The following CSMD1 variants were observed in gnomAD, a reference collection of about 807,000 sequenced individuals.
CSMD1 encodes CUB and sushi domain-containing protein 1.
In CSMD1, 213 loss-of-function variants were observed where a neutral mutation model predicts 417.5. The observed-to-expected ratio is 0.51, with a 90% confidence interval of 0.46 to 0.57. The LOEUF (loss-of-function observed/expected upper bound fraction) is 0.57, where lower values mean the gene tolerates loss of function less well. CSMD1 is among the 20% of genes least tolerant of loss of function. The pLI, the probability that CSMD1 is intolerant of heterozygous loss-of-function variation, is 0.00. For missense variants in CSMD1, 6,923 were observed against 4,529.7 expected (o/e 1.53, Z -15.17); for synonymous variants, 2,862 against 1,736.8 (o/e 1.65, Z -16.11).
At chr8:4,067,096 G>A (rs770905639) in intron 3 of CSMD1, among the ~76,000 whole-genome samples, 1 of 152,196 alleles carries the variant, frequency 6.6e-6, no homozygotes, top group Non-Finnish European at 1.5e-5. Flanking sequence ...AGGGTACAAG[G>A]CTCTTTTTCC....
chr8:3,932,040 A>T (rs1003899652), intron 5 of CSMD1, among the ~76,000 whole-genome samples: 5 of 150,448 alleles, frequency 3.3e-5, no homozygotes, highest in Non-Finnish European at 7.4e-5. Flanking sequence ...TTCAGTTCTA[A>T]TTTCATCAGA....
chr8:3,893,800 A>C (rs1380881167), intron 5 of CSMD1, among the ~76,000 whole-genome samples: 1 of 152,132 alleles, frequency 6.6e-6, no homozygotes, highest in African/African-American at 2.4e-5. Context: ...CCCTATAGAG[A>C]GCATGCACAC....
chr8:4,203,783 T>C (rs1279522079), intron 3 of CSMD1, among the ~76,000 whole-genome samples: 2 of 152,102 alleles, frequency 1.3e-5, no homozygotes, highest in African/African-American at 4.8e-5. Context: ...TACATATACA[T>C]AAGCTAATTT....
intron 49 of CSMD1, among the ~76,000 whole-genome samples, chr8:3,086,092 C>T (rs576386116): frequency 2.0e-4 from 30 of 152,172 alleles, no homozygotes; most frequent in Admixed American, 2.6e-4. Context: ...TGGGTCTCTT[C>T]AGCAACAGAT....
intron 26 of CSMD1, among the ~76,000 whole-genome samples, chr8:3,273,656 C>T (rs930252809): frequency 9.2e-5 from 14 of 152,166 alleles, no homozygotes; most frequent in African/African-American, 1.9e-4. Flanking sequence ...CTGGTTTAGT[C>T]TTGGGAGAGT....
At chr8:3,060,008 C>T (rs1183603752) in intron 49 of CSMD1, among the ~76,000 whole-genome samples, 1 of 152,062 alleles carries the variant, frequency 6.6e-6, no homozygotes, top group Non-Finnish European at 1.5e-5. Context: ...GAAGGGCAGG[C>T]AGCAAGTGAA....
chr8:4,730,026 C>T lies in CSMD1; in HGVS notation c.86-92468G>A, dbSNP rs1055413728. 2.0e-5 allele frequency among the ~76,000 whole-genome samples: 3 copies of T among 152,110 alleles called. No homozygotes were observed. In the East Asian group the frequency reaches 5.8e-4, roughly 29 times the overall value. On this transcript the variant is annotated intron_variant, in intron 1 of 69. Transcript: ENST00000635120. ...ACTCGTGATTCAGAGCACACCTGCT[C>T]CCATGTTAATGTTTTAACTCCTCTC...
chr8:4,980,020 G>C (rs527702187), intron 1 of CSMD1, among the ~76,000 whole-genome samples: 4 of 152,148 alleles, frequency 2.6e-5, no homozygotes, highest in African/African-American at 9.7e-5. Flanking sequence ...CTGGGCGACA[G>C]AGTGAGACTC....
intron 2 of CSMD1, among the ~76,000 whole-genome samples, chr8:4,618,302 C>CG (rs1801590444): frequency 1.1e-5 from 1 of 93,526 alleles, no homozygotes; most frequent in Non-Finnish European, 2.2e-5. Context: ...AGCCATGTCC[C>CG]TCATAAGCAG....
chr8:4,863,986 A>C (rs1802284967), intron 1 of CSMD1, among the ~76,000 whole-genome samples: 1 of 152,026 alleles, frequency 6.6e-6, no homozygotes, highest in Non-Finnish European at 1.5e-5. Context: ...TTCATATTTT[A>C]TTCAGTACAT....
At chr8:3,974,576 G>C (rs886419162) in intron 5 of CSMD1, among the ~76,000 whole-genome samples, 3 of 151,872 alleles carry the variant, frequency 2.0e-5, no homozygotes, top group Non-Finnish European at 4.4e-5. Context: ...AGAACTAGTG[G>C]CAATCCTTTT....
chr8:3,330,976 C>T (rs532237268), intron 23 of CSMD1, among the ~76,000 whole-genome samples: 9 of 152,196 alleles, frequency 5.9e-5, no homozygotes, highest in East Asian at 1.9e-4. Flanking sequence ...CAGTGCCGGG[C>T]GCGGTGGCTC....
chr8:3,657,903 T>G (rs770956236), intron 7 of CSMD1, among the ~76,000 whole-genome samples: 9 of 152,158 alleles, frequency 5.9e-5, no homozygotes, highest in Non-Finnish European at 1.3e-4. Flanking sequence ...GGAGCTTCTG[T>G]GCAAATTTTT....
chr8:4,751,332 A>T (rs1221621232), intron 1 of CSMD1, among the ~76,000 whole-genome samples: 1 of 151,716 alleles, frequency 6.6e-6, no homozygotes, highest in African/African-American at 2.4e-5. Context: ...TTGCAGTGAG[A>T]GTGAGCCGAG....
chr8:3,986,767 T>TTCC (rs1215470157), intron 5 of CSMD1, among the ~76,000 whole-genome samples: 1 of 83,876 alleles, frequency 1.2e-5, no homozygotes, highest in African/African-American at 5.0e-5. Flanking sequence ...TGATTTTTCT[T>TTCC]TTTTTTTAGA....
chr8:4,673,296 C>T (rs888500845), intron 1 of CSMD1, among the ~76,000 whole-genome samples: 7 of 152,130 alleles, frequency 4.6e-5, no homozygotes, highest in African/African-American at 7.2e-5. Context: ...ACTATTAAAA[C>T]GCATAAAATG....
chr8:4,547,350 A>C (rs1349631410), intron 2 of CSMD1, among the ~76,000 whole-genome samples: 1 of 152,234 alleles, frequency 6.6e-6, no homozygotes, highest in African/African-American at 2.4e-5. Context: ...ACAGCAGTGA[A>C]CTTTCTAAAA....
intron 33 of CSMD1, among the ~76,000 whole-genome samples, 166 bp from the exon 34 acceptor site, chr8:3,190,281 G>A (rs1443790068): frequency 9.8e-6 from 1 of 102,510 alleles, no homozygotes; most frequent in Non-Finnish European, 2.1e-5. Flanking sequence ...CTGGGACCAC[G>A]CAGAGCTGGT....
At chr8:3,906,016 T>C (rs1167658927) in intron 5 of CSMD1, among the ~76,000 whole-genome samples, 3 of 152,144 alleles carry the variant, frequency 2.0e-5, no homozygotes, top group Non-Finnish European at 2.9e-5. Context: ...GTTCTTTTTA[T>C]TTTCCCCGCT....
Sources: gnomAD v4.1 joint callset for allele counts (sites outside exome capture counted in the v4.1 genomes callset) on GRCh38, gnomAD v4.1.1 for gene constraint, MANE v1.5 for transcripts, NCBI Gene and HGNC (gene_info 2026-07-23, HGNC 2026-07-21) for gene names.